Variants in DGCR2 observed in about 807,000 individuals in gnomAD.
DGCR2 encodes DiGeorge syndrome critical region gene 2, also known as integral membrane protein DGCR2/IDD.
DGCR2 carries 24 observed loss-of-function variants against 51.6 expected under a neutral mutation model. The observed-to-expected ratio is 0.47, with a 90% CI of 0.34 to 0.65. The LOEUF (loss-of-function observed/expected upper bound fraction) is 0.65. DGCR2 is among the 30% of genes least tolerant of loss of function. The probability of loss-of-function intolerance (pLI) is 0.01; values close to 1 mark genes in which losing one functional copy is unlikely to be tolerated. For synonymous variants in DGCR2, 340 were observed against 315.4 expected, an observed-to-expected ratio of 1.08 and a Z score of -0.82; for missense variants, 765 against 772.1, an observed-to-expected ratio of 0.99 and a Z score of 0.11.
chr22:19,077,110 T>C (rs2082886682), intron 2 of DGCR2, among the ~76,000 whole-genome samples: 3 of 152,228 alleles, frequency 2.0e-5, no homozygotes, highest in Admixed American at 2.0e-4. Context: ...TTACCAGATA[T>C]GAGTTTCAAA....
At chr22:19,074,412 G>GAA (rs72460718) in intron 2 of DGCR2, among the ~76,000 whole-genome samples, 2,721 of 124,984 alleles carry the variant, frequency 0.022, 90 homozygotes, top group African/African-American at 0.074. Flanking sequence ...AGAGCAAGAT[G>GAA]AAAAAAAAAA....
intron 2 of DGCR2, among the ~76,000 whole-genome samples, chr22:19,088,646 T>C (rs913189392): frequency 6.6e-6 from 1 of 152,194 alleles, no homozygotes; most frequent in African/African-American, 2.4e-5. Flanking sequence ...AGTGGCTTTA[T>C]CAGCACCACC....
intron 1 of DGCR2, among the ~76,000 whole-genome samples, chr22:19,110,094 A>C (rs2083298772): frequency 6.6e-6 from 1 of 152,264 alleles, no homozygotes; most frequent in Non-Finnish European, 1.5e-5. Context: ...ATTCAAAGGA[A>C]ACATTTGCAG....
intron 2 of DGCR2, among the ~76,000 whole-genome samples, chr22:19,071,659 A>C (rs1468907638): frequency 6.6e-6 from 1 of 152,240 alleles, no homozygotes; most frequent in Non-Finnish European, 1.5e-5. Flanking sequence ...GCAATACGGC[A>C]ATAACATACT....
chr22:19,108,536 C>T (rs2083281877), intron 1 of DGCR2, among the ~76,000 whole-genome samples: 1 of 142,286 alleles, frequency 7.0e-6, no homozygotes, highest in Non-Finnish European at 1.5e-5. Flanking sequence ...GATCCCACCA[C>T]TGTACTCCAG....
intron 1 of DGCR2, among the ~76,000 whole-genome samples, chr22:19,094,763 T>A (rs577661049): frequency 6.6e-6 from 1 of 152,206 alleles, no homozygotes; most frequent in East Asian, 1.9e-4. Flanking sequence ...ATTGGTAAGT[T>A]GTGTACAGCC....
intron 5 of DGCR2, among the ~76,000 whole-genome samples, chr22:19,058,045 C>A (rs977531058): frequency 1.3e-5 from 2 of 152,222 alleles, no homozygotes; most frequent in Admixed American, 6.5e-5. Flanking sequence ...TGCTCTCCCC[C>A]TCCTAAGACA....
At chr22:19,063,425 G>A in intron 4 of DGCR2, 147 bp from the exon 5 acceptor site, 1 of 724,354 alleles carries the variant, frequency 1.4e-6, no homozygotes, top group Non-Finnish European at 2.3e-6. Flanking sequence ...ACTGCAACTT[G>A]ACTTCCTGGT....
At chr22:19,118,327 C>T (rs1160326845) in intron 1 of DGCR2, among the ~76,000 whole-genome samples, 1 of 148,952 alleles carries the variant, frequency 6.7e-6, no homozygotes, top group Non-Finnish European at 1.5e-5. Flanking sequence ...GCTGAGATCC[C>T]GCAACTGCAC....
rs1280927389 is a variant in DGCR2, at chr22:19,092,993, GAGA to G, written c.80-3506_80-3504del. Among the ~76,000 whole-genome samples the G allele has an allele frequency of 5.6e-5, 3 of 53,694 alleles. No homozygotes were observed. The East Asian group carries it at 1.3e-3, about 23-fold the overall frequency. The allele number at this position is 53,694 out of a possible 152,430, so 35.2% of individuals were successfully genotyped here. On this transcript the variant is annotated intron_variant, in intron 1 of 9. Transcript: ENST00000263196. ...GAGGAGGAAGAGGAGGAAGAAAGAA[GAGA>G]AGAAGGAGGAGGAGGAGGAAGAAAG...
intron 1 of DGCR2, among the ~76,000 whole-genome samples, chr22:19,101,757 G>C (rs560183605): frequency 3.7e-4 from 35 of 94,964 alleles, no homozygotes; most frequent in Middle Eastern, 8.8e-3. Flanking sequence ...AAAAAAAAAA[G>C]TGAATGTGGG....
intron 5 of DGCR2, among the ~76,000 whole-genome samples, chr22:19,059,032 G>A (rs943832238): frequency 5.3e-5 from 8 of 152,246 alleles, no homozygotes; most frequent in East Asian, 3.9e-4. Flanking sequence ...GCAGGTGTTC[G>A]TCTTTGGAGC....
At chr22:19,052,940 T>C (rs1026967874) in intron 6 of DGCR2, among the ~76,000 whole-genome samples, 5 of 152,214 alleles carry the variant, frequency 3.3e-5, no homozygotes, top group African/African-American at 9.6e-5. Context: ...AGACCACATA[T>C]GACCAAAGGC....
chr22:19,072,444 G>C (rs1369271981), intron 2 of DGCR2, among the ~76,000 whole-genome samples: 2 of 152,162 alleles, frequency 1.3e-5, no homozygotes, highest in Non-Finnish European at 2.9e-5. Flanking sequence ...CTCTGAGGCA[G>C]AGACCCAAAC....
intron 6 of DGCR2, among the ~76,000 whole-genome samples, chr22:19,053,650 G>A (rs1197592835): frequency 2.0e-5 from 3 of 152,184 alleles, no homozygotes; most frequent in African/African-American, 7.2e-5. Flanking sequence ...CACACAAGAT[G>A]TCAGAGTTCC....
intron 1 of DGCR2, among the ~76,000 whole-genome samples, chr22:19,100,290 AC>A (rs1231932890): frequency 6.6e-6 from 1 of 151,690 alleles, no homozygotes; most frequent in East Asian, 1.9e-4. Context: ...AAAGAAAGTC[AC>A]CCCTTTTCAC....
Position 19,068,210 on chromosome 22 carries a change from A to G in DGCR2, c.218T>C (p.Val73Ala). The change falls in exon 3 of 10, where the codon GTG becomes GCG. Residue 73 changes from valine to alanine, a missense_variant. Physicochemically the swap from Val to Ala is moderately conservative, Grantham distance 64. This residue lies in a region of DGCR2 where 370 missense variants were observed against 325.5 expected (regional missense o/e 1.14). Coordinates refer to ENST00000263196, the MANE Select transcript of DGCR2 (RefSeq NM_005137.3). ...AGCCTCCTTCCCATGATGAGGACGC[A>G]CCTCCCCGGTCACTTCTGAAAGCAA... Reference protein sequence around the residue: ...EANCPEVTGEVRPHHGKEAVD... With the variant: ...EANCPEVTGEARPHHGKEAVD... The G allele has an allele frequency of 6.2e-7, 1 of 1,603,266 alleles. No homozygotes were observed. The highest frequency in any genetic ancestry group is 8.5e-7 in the Non-Finnish European group (1 of 1,175,306).
At chr22:19,107,784 G>C (rs1005510043) in intron 1 of DGCR2, among the ~76,000 whole-genome samples, 1 of 152,196 alleles carries the variant, frequency 6.6e-6, no homozygotes, top group African/African-American at 2.4e-5. Context: ...CAGGGCAGGA[G>C]GGTGGGACAG....
intron 1 of DGCR2, among the ~76,000 whole-genome samples, chr22:19,114,535 T>C (rs1241964247): frequency 1.3e-5 from 2 of 152,224 alleles, no homozygotes; most frequent in Non-Finnish European, 2.9e-5. Flanking sequence ...TCTAAGACCA[T>C]AGACAGAGTT....
Sources: allele counts gnomAD v4.1 joint callset (sites outside exome capture counted in the v4.1 genomes callset), GRCh38; gene constraint gnomAD v4.1.1; regional missense constraint gnomAD v4.1.1; transcripts MANE v1.5; gene names NCBI Gene and HGNC (gene_info 2026-07-23, HGNC 2026-07-21).